Variants in PLA2G5 observed in about 807,000 individuals in gnomAD.
PLA2G5 encodes the protein Ca2+-dependent phospholipase A2.
Under a neutral mutation model 15.9 loss-of-function variants are expected in PLA2G5, and 12 were observed. The observed-to-expected ratio is 0.76, with a 90% confidence interval of 0.48 to 1.23. The LOEUF (loss-of-function observed/expected upper bound fraction) is 1.23, where lower values mean the gene tolerates loss of function less well. Among genes scored for constraint, PLA2G5 ranks in the 50% most tolerant of loss-of-function variants. The pLI is 0.00. For missense variants in PLA2G5, 169 were observed against 177.1 expected, an observed-to-expected ratio of 0.95 and a Z score of 0.26; for synonymous variants, 71 against 71.4, an observed-to-expected ratio of 0.99 and a Z score of 0.03.
intron 2 of PLA2G5, chr1:20,063,750 A>G (rs1292465812): frequency 6.6e-6 from 1 of 152,228 alleles, no homozygotes; most frequent in Non-Finnish European, 1.5e-5. Flanking sequence ...AATCATCCCA[A>G]TGTATTGATG....
At position 20,070,380 on chromosome 1, in the gene PLA2G5, G is replaced by A. The variant is rs796364287; in HGVS notation, c.-96G>A. 6.1e-6 allele frequency: 6 copies of A among 985,428 alleles called. No individual in the cohort carries two copies. The African/African-American group carries it at 7.0e-5, about 11-fold the overall frequency. 61.0% of individuals were successfully genotyped at this position (985,428 alleles called of 1,614,324 possible). On this transcript the variant is annotated 5_prime_UTR_variant, in exon 1 of 5. Transcript: ENST00000375108. The stretch of plus-strand genomic sequence containing the variant: ...TGTTCCGACTGGAGACGGGGAGCCC[G>A]CGAGACCCGGGTCTCCAGGGTCTGC...
chr1:20,060,231 G>GACTT (rs112166084), intron 2 of PLA2G5, among the ~76,000 whole-genome samples: 39,416 of 141,618 alleles, frequency 0.28, 5,783 homozygotes, highest in Admixed American at 0.34. Flanking sequence ...ACTATTTACT[G>GACTT]ACTTTCTTTT....
chr1:20,032,949 T>C (rs985482219), intron 1 of PLA2G5, among the ~76,000 whole-genome samples: 1 of 152,240 alleles, frequency 6.6e-6, no homozygotes, highest in African/African-American at 2.4e-5. Flanking sequence ...TTCAGCCACC[T>C]CCAGCAGTTT....
At chr1:20,070,506 A>G (rs1230068459) in intron 1 of PLA2G5, 41 bp downstream of exon 1, 1 of 981,818 alleles carries the variant, frequency 1.0e-6, no homozygotes, top group African/African-American at 1.8e-5. Context: ...GGGGTTGTGG[A>G]GGGACGCCAG....
intron 2 of PLA2G5, among the ~76,000 whole-genome samples, chr1:20,085,441 G>C (rs2016238915): frequency 6.6e-6 from 1 of 152,140 alleles, no homozygotes; most frequent in Non-Finnish European, 1.5e-5. Flanking sequence ...CAAGGAGAGA[G>C]CCTTGGGCTC....
At chr1:20,062,028 A>G (rs952152146) in intron 2 of PLA2G5, among the ~76,000 whole-genome samples, 2 of 152,094 alleles carry the variant, frequency 1.3e-5, no homozygotes, top group African/African-American at 4.8e-5. Flanking sequence ...TCACTCTGAG[A>G]TCTCTTGCTT....
chr1:20,036,307 T>G (rs1455862812), intron 1 of PLA2G5, among the ~76,000 whole-genome samples: 1 of 152,188 alleles, frequency 6.6e-6, no homozygotes, highest in Non-Finnish European at 1.5e-5. Flanking sequence ...CAGAAAAATT[T>G]TCCTCAATTG....
chr1:20,087,181 T>C (rs576538790), intron 3 of PLA2G5, among the ~76,000 whole-genome samples: 76 of 152,342 alleles, frequency 5.0e-4, no homozygotes, highest in African/African-American at 1.8e-3. Flanking sequence ...ATCATACTAA[T>C]ATAAGATGTA....
chr1:20,079,996 G>T (rs1333545704), intron 1 of PLA2G5, among the ~76,000 whole-genome samples: 3 of 152,200 alleles, frequency 2.0e-5, no homozygotes. Flanking sequence ...AAAGTTGGGG[G>T]TTGGCAAGTT....
chr1:20,083,258 G>A (rs950673888), intron 1 of PLA2G5, among the ~76,000 whole-genome samples: 2 of 151,934 alleles, frequency 1.3e-5, no homozygotes, highest in African/African-American at 4.9e-5. Flanking sequence ...GAGGCCAGCT[G>A]TGGACAGAAC....
At chr1:20,085,971 T>G in intron 2 of PLA2G5, 112 bp from the exon 3 acceptor site, 2 of 1,019,228 alleles carry the variant, frequency 2.0e-6, no homozygotes, top group Non-Finnish European at 2.9e-6. Context: ...AAAAGAGACA[T>G]GCAGGTCCCT....
At position 20,047,758 on chromosome 1, in the gene PLA2G5, ATG is replaced by A. The variant is rs1169324568; in HGVS notation, n.277-11870_277-11869del. On this transcript the variant is annotated intron_variant and non_coding_transcript_variant, in intron 1 of 6. Coordinates refer to the PLA2G5 transcript ENST00000460175. ...TGTGTGTGTGTGTGTGTGTGTGTGT[ATG>A]TGTATATATTTAAAAGGCATTTATA... Among the ~76,000 whole-genome samples the A allele has an allele frequency of 2.7e-3, 367 of 135,432 alleles. 2 individuals carry two copies. Among genetic ancestry groups the A allele is most frequent in the African/African-American group, 9.9e-3 (352 of 35,648 alleles). 88.8% of individuals were successfully genotyped at this position (135,432 alleles called of 152,430 possible).
At chr1:20,047,820 T>A (rs2013991013) in intron 1 of PLA2G5, among the ~76,000 whole-genome samples, 1 of 152,032 alleles carries the variant, frequency 6.6e-6, no homozygotes, top group Non-Finnish European at 1.5e-5. Flanking sequence ...GGCAATTCAA[T>A]CCATTTTAAT....
At chr1:20,045,137 G>C (rs1345429246) in intron 1 of PLA2G5, among the ~76,000 whole-genome samples, 3 of 152,158 alleles carry the variant, frequency 2.0e-5, no homozygotes, top group Non-Finnish European at 4.4e-5. Flanking sequence ...AGAAAATAAG[G>C]CATTTAGGTT....
chr1:20,086,350 G>A, intron 3 of PLA2G5, 123 bp downstream of exon 3: 2 of 1,147,092 alleles, frequency 1.7e-6, no homozygotes, highest in Non-Finnish European at 2.5e-6. Flanking sequence ...AGAAAACTAA[G>A]CCTCAAAGAA....
At chr1:20,061,289 A>AAT (rs1018606596) in intron 2 of PLA2G5, among the ~76,000 whole-genome samples, 4 of 152,080 alleles carry the variant, frequency 2.6e-5, no homozygotes, top group Non-Finnish European at 5.9e-5. Context: ...TCATATTATA[A>AAT]ATCTCTCAGC....
At chr1:20,050,860 ATTCT>A (rs1318965657) in intron 1 of PLA2G5, among the ~76,000 whole-genome samples, 1 of 149,116 alleles carries the variant, frequency 6.7e-6, no homozygotes, top group Non-Finnish European at 1.5e-5. Flanking sequence ...GACCTAATTA[ATTCT>A]TTAAGATATT....
chr1:20,068,451 GTTTT>G (rs5772880), upstream of PLA2G5, among the ~76,000 whole-genome samples: 1 of 133,588 alleles, frequency 7.5e-6, no homozygotes, highest in African/African-American at 2.7e-5. Flanking sequence ...AAAAGTGGTA[GTTTT>G]TTTTTTTTTT....
intron 1 of PLA2G5, among the ~76,000 whole-genome samples, chr1:20,046,338 T>C (rs1479509236): frequency 6.6e-6 from 1 of 152,156 alleles, no homozygotes; most frequent in Non-Finnish European, 1.5e-5. Context: ...AAATTATGGG[T>C]AACAAAGCCT....
Sources: allele counts gnomAD v4.1 joint callset (sites outside exome capture counted in the v4.1 genomes callset), GRCh38; gene constraint gnomAD v4.1.1; transcripts MANE v1.5; gene names NCBI Gene and HGNC (gene_info 2026-07-23, HGNC 2026-07-21).